The following BCLAF1 variants were observed in gnomAD, a reference collection of about 807,000 sequenced individuals.
BCLAF1 encodes the protein BCL2 associated transcription factor 1.
BCLAF1 carries 10 observed loss-of-function variants against 99.5 expected under a neutral mutation model. The observed-to-expected ratio is 0.10, with a 90% CI of 0.06 to 0.17. BCLAF1 has a LOEUF of 0.17. BCLAF1 is among the 10% of genes least tolerant of loss of function. The pLI is 1.00. For missense variants in BCLAF1, 636 were observed against 1,105.8 expected (o/e 0.58, Z 6.02); for synonymous variants, 255 against 370.9 (o/e 0.69, Z 3.59).
intron 2 of BCLAF1, among the ~76,000 whole-genome samples, chr6:136,280,193 G>T (rs1784184550): frequency 6.6e-6 from 1 of 152,170 alleles, no homozygotes; most frequent in Non-Finnish European, 1.5e-5. Flanking sequence ...CATGTTATGT[G>T]TTATTCCACG....
chr6:136,279,086 C>G (rs974935718), intron 3 of BCLAF1, among the ~76,000 whole-genome samples: 1 of 151,474 alleles, frequency 6.6e-6, no homozygotes, highest in African/African-American at 2.4e-5. Flanking sequence ...TACCTCTAGG[C>G]AAGCACTTAA....
rs1467458251 is a variant in BCLAF1 at position 136,275,515 on chromosome 6, A to C, written c.1852+17T>G. The C allele has an allele frequency of 6.6e-7, 1 of 1,513,252 alleles. No homozygotes were observed. Among genetic ancestry groups the C allele is most frequent in the African/African-American group, 1.4e-5 (1 of 71,364 alleles). The allele number at this position is 1,513,252 out of a possible 1,614,324, so 93.7% of individuals were successfully genotyped here. ...CAAGAGAAATTTAATTCACGATACT[A>C]AACATACTAAGCATACCTTTAACAT... On this transcript the variant is annotated intron_variant, in intron 6 of 12. Transcript: ENST00000531224.
chr6:136,280,240 AAAT>A (rs1250831446), intron 2 of BCLAF1, among the ~76,000 whole-genome samples: 5 of 152,350 alleles, frequency 3.3e-5, no homozygotes, highest in Admixed American at 1.3e-4. Flanking sequence ...TAAGAAAGAT[AAAT>A]AATAAAGGTA....
At position 136,256,982 on chromosome 6, in the gene BCLAF1, TAAAC is replaced by T. The variant is rs1219830387; in HGVS notation, c.*4124_*4127del. ...TGATTATAAATCATTTCACACCACC[TAAAC>T]ATACAGTGTAGCTATGATCATGTAC... On this transcript the variant is annotated 3_prime_UTR_variant, in exon 13 of 13. Transcript: ENST00000531224. The T allele has an allele frequency of 6.6e-6, 1 of 152,198 alleles. No homozygotes were observed. The highest frequency in any genetic ancestry group is 2.1e-4 in the South Asian group (1 of 4,836). 9.4% of individuals were successfully genotyped at this position (152,198 alleles called of 1,614,324 possible).
At chr6:136,279,690 TG>T (rs1484985116) in intron 3 of BCLAF1, 72 bp downstream of exon 3, 3 of 1,316,828 alleles carry the variant, frequency 2.3e-6, no homozygotes, top group Non-Finnish European at 2.9e-6. Flanking sequence ...GGTTTAGCAC[TG>T]TGTTTACGAT....
chr6:136,274,982 C>T (rs866206403), intron 6 of BCLAF1, among the ~76,000 whole-genome samples: 4 of 151,794 alleles, frequency 2.6e-5, no homozygotes, highest in Non-Finnish European at 5.9e-5. Flanking sequence ...ATTTCTTGAA[C>T]GTTTTTCCTT....
chr6:136,283,814 G>C (rs888576247), intron 1 of BCLAF1, among the ~76,000 whole-genome samples: 1 of 152,118 alleles, frequency 6.6e-6, no homozygotes, highest in Non-Finnish European at 1.5e-5. Context: ...GCCTAGGAAG[G>C]AGGAATCGGA....
rs1259130251 is a variant in BCLAF1, at chr6:136,259,356, T to TG, written c.*1753dup. On this transcript the variant is annotated 3_prime_UTR_variant, in exon 13 of 13. Coordinates refer to ENST00000531224, the MANE Select transcript of BCLAF1 (RefSeq NM_014739.3). ...CACATAGTCATGCACACAGATTTGA[T>TG]GTCTAACCAAGTAACTGTTATGGTA... 6.6e-6 allele frequency: 1 copy of TG among 152,090 alleles called. No individual in the cohort carries two copies. Among genetic ancestry groups the TG allele is most frequent in the Admixed American group, 6.6e-5 (1 of 15,264 alleles). The allele number at this position is 152,090 out of a possible 1,614,324, so 9.4% of individuals were successfully genotyped here.
At chr6:136,267,669 A>C (rs145928521) in intron 10 of BCLAF1, among the ~76,000 whole-genome samples, 1 of 151,948 alleles carries the variant, frequency 6.6e-6, no homozygotes, top group African/African-American at 2.4e-5. Context: ...TCATTATATT[A>C]ATAATTATAA....
intron 7 of BCLAF1, 33 bp from the exon 8 acceptor site, chr6:136,272,112 A>G: frequency 1.4e-6 from 2 of 1,457,036 alleles, no homozygotes; most frequent in South Asian, 2.5e-5. Flanking sequence ...TTTTAGTCAT[A>G]TTATTAACTT....
rs752649957 is a variant in BCLAF1 at position 136,276,234 on chromosome 6, T to C, written c.1291A>G (p.Thr431Ala). 6.2e-7 allele frequency: 1 copy of C among 1,607,158 alleles called. No individual in the cohort carries two copies. The highest frequency in any genetic ancestry group is 8.5e-7 in the Non-Finnish European group (1 of 1,177,456). ...TTGTACTTGAGTCCTTCCTCCTCAG[T>C]ATTCCGGTGAGATGCAGTAGCAAAA... ...KSFATASHRN[T>A]EEEGLKYKSK... The change falls in exon 5 of 13, where the codon ACT becomes GCT. Residue 431 changes from threonine to alanine, a missense_variant. By Grantham distance (58) the Thr-to-Ala change is moderately conservative. This residue lies in a region of BCLAF1 where 186 missense variants were observed against 275.3 expected (regional missense o/e 0.68). Transcript: ENST00000531224.
chr6:136,275,223 GTACAT>G (rs1383130082), intron 6 of BCLAF1, among the ~76,000 whole-genome samples: 1 of 152,030 alleles, frequency 6.6e-6, no homozygotes, highest in African/African-American at 2.4e-5. Context: ...TGCACTTCAA[GTACAT>G]TACAATGACA....
intron 1 of BCLAF1, among the ~76,000 whole-genome samples, chr6:136,289,358 GGAGCGTTCAGTCGGGCGCGCGCA>G (rs1365841867): frequency 3.0e-4 from 46 of 152,336 alleles, no homozygotes; most frequent in Middle Eastern, 3.4e-3. Context: ...GCGCGTGCGC[GGAGCGTTCAGTCGGGCGCGCGCA>G]GAGGTACGGG....
chr6:136,279,025 A>G (rs541608293), intron 3 of BCLAF1, among the ~76,000 whole-genome samples: 99 of 146,058 alleles, frequency 6.8e-4, no homozygotes, highest in African/African-American at 2.6e-3. Flanking sequence ...ACACACACAC[A>G]CGCATGTGTT....
chr6:136,286,734 G>C (rs1317283963), intron 1 of BCLAF1, among the ~76,000 whole-genome samples: 1 of 152,186 alleles, frequency 6.6e-6, no homozygotes, highest in Admixed American at 6.5e-5. Context: ...TTGGGAGGGC[G>C]AGGCGGGCGG....
At chr6:136,279,320 T>C (rs1284663301) in intron 3 of BCLAF1, among the ~76,000 whole-genome samples, 1 of 152,180 alleles carries the variant, frequency 6.6e-6, no homozygotes, top group Admixed American at 6.5e-5. Context: ...ATGCTAAGTA[T>C]GTATTACTAT....
chr6:136,274,248 G>T, intron 6 of BCLAF1: 2 of 955,926 alleles, frequency 2.1e-6, no homozygotes, highest in Non-Finnish European at 2.9e-6. Flanking sequence ...TAAAGTAAGA[G>T]CTGTTCAGAT....
chr6:136,263,565 T>C (rs1297241847), intron 11 of BCLAF1, among the ~76,000 whole-genome samples: 2 of 152,162 alleles, frequency 1.3e-5, no homozygotes, highest in African/African-American at 2.4e-5. Flanking sequence ...GGGCCAGAAG[T>C]TAGATATTTA....
At chr6:136,274,787 ACTTGAAAAT>A (rs1783025768) in intron 6 of BCLAF1, among the ~76,000 whole-genome samples, 1 of 152,066 alleles carries the variant, frequency 6.6e-6, no homozygotes, top group African/African-American at 2.4e-5. Flanking sequence ...CAAAAGACAT[ACTTGAAAAT>A]CTTTGAAAAT....
Sources: allele counts gnomAD v4.1 joint callset (sites outside exome capture counted in the v4.1 genomes callset), GRCh38; gene constraint gnomAD v4.1.1; regional missense constraint gnomAD v4.1.1; transcripts MANE v1.5; gene names NCBI Gene and HGNC (gene_info 2026-07-23, HGNC 2026-07-21).